The following PLVAP variants were observed in gnomAD, a reference collection of about 807,000 sequenced individuals.
PLVAP encodes the protein plasmalemma vesicle associated protein.
Under a neutral mutation model 43.1 loss-of-function variants are expected in PLVAP, and 34 were observed. That is an observed-to-expected ratio of 0.79 (90% CI 0.60 to 1.05). PLVAP has a LOEUF of 1.05. Among genes scored for constraint, PLVAP ranks in the 50% least tolerant of loss-of-function variants. The pLI, the probability that PLVAP is intolerant of heterozygous loss-of-function variation, is 0.00. For synonymous variants in PLVAP, 241 were observed against 237.3 expected, an observed-to-expected ratio of 1.02 and a Z score of -0.14; for missense variants, 574 against 593.4, an observed-to-expected ratio of 0.97 and a Z score of 0.34.
chr19:17,355,957 T>G (rs567073658), intron 5 of PLVAP, among the ~76,000 whole-genome samples: 36 of 152,318 alleles, frequency 2.4e-4, no homozygotes, highest in Non-Finnish European at 4.3e-4. Flanking sequence ...GAAGGGACAC[T>G]CAGTCTCATC....
rs182321506 is a variant in PLVAP at position 17,372,669 on chromosome 19, C to G, written c.369+4251G>C. 1.6e-3 allele frequency among the ~76,000 whole-genome samples: 243 copies of G among 150,484 alleles called. 1 individual carries two copies. The East Asian group carries it at 0.022, about 13-fold the overall frequency. On this transcript the variant is annotated intron_variant, in intron 1 of 5. Transcript: ENST00000252590. ...GACGGGGTTTCACTGTGTTAGCCAG[C>G]ATGGTCTCGATCTCCTGACCTAGTG...
intron 3 of PLVAP, chr19:17,362,167 T>C (rs945730136): frequency 6.6e-6 from 1 of 151,964 alleles, no homozygotes; most frequent in Non-Finnish European, 1.5e-5. Flanking sequence ...ACTTGTGCAA[T>C]GTCATGCTCA....
intron 1 of PLVAP, among the ~76,000 whole-genome samples, chr19:17,373,629 C>A (rs562926597): frequency 6.6e-6 from 1 of 152,076 alleles, no homozygotes; most frequent in African/African-American, 2.4e-5. Context: ...GAGCCCCACA[C>A]CTGCTCCCCA....
At chr19:17,376,838 C>G in intron 1 of PLVAP, 82 bp downstream of exon 1, 3 of 1,357,350 alleles carry the variant, frequency 2.2e-6, no homozygotes, top group Non-Finnish European at 3.0e-6. Context: ...GTCCCCCTCT[C>G]TTGGATGAGG....
chr19:17,359,972 T>C (rs1306058786), intron 5 of PLVAP, among the ~76,000 whole-genome samples: 1 of 152,180 alleles, frequency 6.6e-6, no homozygotes. Context: ...GCCTTTGGCC[T>C]GGCTGTTCCT....
intron 1 of PLVAP, among the ~76,000 whole-genome samples, chr19:17,373,028 T>A (rs1320182984): frequency 2.4e-5 from 3 of 125,270 alleles, no homozygotes; most frequent in Non-Finnish European, 4.7e-5. Context: ...ACCGCGCCAT[T>A]GCACCCCAGC....
At chr19:17,370,086 C>T (rs1031151838) in intron 1 of PLVAP, among the ~76,000 whole-genome samples, 1 of 151,068 alleles carries the variant, frequency 6.6e-6, no homozygotes, top group African/African-American at 2.4e-5. Context: ...CAGTGAGATA[C>T]CACTACACAC....
In PLVAP at chr19:17,352,142, A is replaced by G; in HGVS notation, c.*220T>C. 2 of 605,482 alleles carry G rather than the reference A, an allele frequency of 3.3e-6. No individual in the cohort carries two copies. Among genetic ancestry groups the G allele is most frequent in the South Asian group, 4.1e-5 (2 of 48,702 alleles). 37.5% of individuals were successfully genotyped at this position (605,482 alleles called of 1,614,324 possible). A position where few individuals can be genotyped will look rare whatever the true frequency, so the allele number is the denominator to read the frequency against. On this transcript the variant is annotated 3_prime_UTR_variant, in exon 6 of 6. Coordinates refer to ENST00000252590, the MANE Select transcript of PLVAP (RefSeq NM_031310.3). ...TGACGTCAGCGCCGTTGCTTGCGTG[A>G]CGTCATCTCCGCGGCCGTGTGCTCT... is the stretch of plus-strand genomic sequence containing the variant.
At chr19:17,357,548 C>G (rs1341262383) in intron 5 of PLVAP, among the ~76,000 whole-genome samples, 6 of 152,094 alleles carry the variant, frequency 3.9e-5, no homozygotes, top group African/African-American at 9.7e-5. Context: ...CCTGTAGGCT[C>G]AACCACTGGG....
At chr19:17,372,716 G>A (rs1403179085) in intron 1 of PLVAP, among the ~76,000 whole-genome samples, 3 of 150,088 alleles carry the variant, frequency 2.0e-5, no homozygotes, top group Non-Finnish European at 4.4e-5. Context: ...TCGGCCTCCC[G>A]AAGTGTTGGG....
At chr19:17,360,730 A>G (rs2074524640) in intron 4 of PLVAP, 42 bp downstream of exon 4, 2 of 1,598,602 alleles carry the variant, frequency 1.3e-6, no homozygotes, top group Non-Finnish European at 1.7e-6. Context: ...TCGAGGTGGA[A>G]AGGGGCCCCT....
At chr19:17,375,983 C>A (rs1007357046) in intron 1 of PLVAP, among the ~76,000 whole-genome samples, 4 of 151,254 alleles carry the variant, frequency 2.6e-5, no homozygotes, top group African/African-American at 9.7e-5. Flanking sequence ...GAGTTCAAGA[C>A]CAGCCTGATC....
intron 5 of PLVAP, among the ~76,000 whole-genome samples, chr19:17,358,799 C>CT (rs1358308412): frequency 7.7e-6 from 1 of 130,404 alleles, no homozygotes; most frequent in Non-Finnish European, 1.6e-5. Context: ...ACTTCAGAGA[C>CT]TATCTTTTTT....
At chr19:17,369,295 C>T (rs2074562477) in intron 1 of PLVAP, among the ~76,000 whole-genome samples, 1 of 151,572 alleles carries the variant, frequency 6.6e-6, no homozygotes, top group Non-Finnish European at 1.5e-5. Flanking sequence ...AAGTGATTCC[C>T]CAGCCTCAGC....
In PLVAP at chr19:17,377,255, C is replaced by T. The variant is rs201136194; in HGVS notation, c.34G>A (p.Ala12Thr). 82 of 1,613,530 alleles carry T rather than the reference C, an allele frequency of 5.1e-5. 1 individual carries two copies. The Admixed American group carries it at 1.0e-3, about 20-fold the overall frequency. The change falls in exon 1 of 6, where the codon GCT becomes ACT. Residue 12 changes from alanine (A) to threonine (T), a missense_variant. By Grantham distance (58) the Ala-to-Thr change is moderately conservative. Transcript: ENST00000252590. ...CCCCGAGAGCTGCCCCCCGCCCGAGCGTAGGACCCTCCGTGCTCCATGGCC... is the reference window on the plus strand; with the variant it reads ...CCCCGAGAGCTGCCCCCCGCCCGAGTGTAGGACCCTCCGTGCTCCATGGCC... ...GLAMEHGGSY[A>T]RAGGSSRGCW... is the part of the protein sequence containing the mutation.
At chr19:17,352,515 T>G in intron 5 of PLVAP, 147 bp from the exon 6 acceptor site, 1 of 854,036 alleles carries the variant, frequency 1.2e-6, no homozygotes, top group Non-Finnish European at 1.9e-6. Context: ...CCCCTACTTC[T>G]TCCTCAGAAC....
At chr19:17,372,790 T>A (rs78441500) in intron 1 of PLVAP, among the ~76,000 whole-genome samples, 1 of 146,862 alleles carries the variant, frequency 6.8e-6, no homozygotes, top group African/African-American at 2.5e-5. Flanking sequence ...ACAGGCCAGG[T>A]GCAGTGGCTC....
Position 17,365,828 on chromosome 19 carries a change from G to A in PLVAP, c.637C>T (p.Leu213=). 5 of 1,614,168 alleles carry A rather than the reference G, an allele frequency of 3.1e-6. No homozygotes were observed. Among genetic ancestry groups the A allele is most frequent in the Non-Finnish European group, 4.2e-6 (5 of 1,180,042 alleles). ...ACCTTTTGCAGTTGCTCCTTGGCCA[G>A]CTGGCGCTCTTGGTGCTGCAGCTCC... ...TRELQHQERQ[L]AKEQLQKVQA... Residue 213 remains leucine, a synonymous_variant, in exon 3 of 6, where the codon CTG becomes TTG. Coordinates refer to ENST00000252590, the MANE Select transcript of PLVAP (RefSeq NM_031310.3).
intron 3 of PLVAP, among the ~76,000 whole-genome samples, chr19:17,361,860 A>G (rs1169337778): frequency 1.3e-5 from 2 of 151,924 alleles, no homozygotes; most frequent in Non-Finnish European, 2.9e-5. Flanking sequence ...CCCTGAGGTC[A>G]GGAGTTCGAG....
Sources: gnomAD v4.1 joint callset for allele counts (sites outside exome capture counted in the v4.1 genomes callset) on GRCh38, gnomAD v4.1.1 for gene constraint, MANE v1.5 for transcripts, NCBI Gene and HGNC (gene_info 2026-07-23, HGNC 2026-07-21) for gene names.